Variants in ANKRD30A observed in about 807,000 individuals in gnomAD.
The protein encoded by ANKRD30A is ankyrin repeat domain 30A, also known as ankyrin repeat domain-containing protein 30A.
In ANKRD30A, 170 loss-of-function variants were observed where a neutral mutation model predicts 166.3. The ratio of observed to expected loss-of-function variants is 1.02; its 90% CI spans 0.90 to 1.16. The LOEUF (loss-of-function observed/expected upper bound fraction) is 1.16. ANKRD30A is among the 50% of genes most tolerant of loss of function. ANKRD30A has a pLI of 0.00. For synonymous variants in ANKRD30A, 564 were observed against 508.9 expected, an observed-to-expected ratio of 1.11 and a Z score of -1.46; for missense variants, 1,630 against 1,518.0, an observed-to-expected ratio of 1.07 and a Z score of -1.23.
At chr10:37,141,610 G>A in intron 6 of ANKRD30A, 108 bp from the exon 7 acceptor site, 2 of 1,248,298 alleles carry the variant, frequency 1.6e-6, no homozygotes, top group Non-Finnish European at 2.2e-6. Flanking sequence ...AGAAAAGTTT[G>A]GTAGTATTTA....
intron 15 of ANKRD30A, 50 bp downstream of exon 15, chr10:37,158,636 T>A (rs951122349): frequency 1.3e-6 from 2 of 1,598,834 alleles, no homozygotes; most frequent in Non-Finnish European, 1.7e-6. Flanking sequence ...TATTAAAATA[T>A]TTGAAATGCT....
the ANKRD30A span, among the ~76,000 whole-genome samples, chr10:37,257,475 T>A: frequency 6.6e-6 from 1 of 152,186 alleles, no homozygotes; most frequent in East Asian, 1.9e-4. Context: ...TCTCTAGTTC[T>A]TTTAACTGTG....
At chr10:37,205,891 A>G (rs1841959689) in intron 31 of ANKRD30A, among the ~76,000 whole-genome samples, 1 of 152,222 alleles carries the variant, frequency 6.6e-6, no homozygotes, top group South Asian at 2.1e-4. Flanking sequence ...TACACTGAGT[A>G]GCGAAGGTAT....
intron 34 of ANKRD30A, among the ~76,000 whole-genome samples, chr10:37,226,441 C>A (rs1278355172): frequency 6.6e-6 from 1 of 151,502 alleles, no homozygotes; most frequent in Non-Finnish European, 1.5e-5. Context: ...AGAGTCAAGA[C>A]CCATCAGTGT....
intron 31 of ANKRD30A, among the ~76,000 whole-genome samples, chr10:37,203,672 A>G (rs1425636239): frequency 1.3e-5 from 2 of 152,218 alleles, no homozygotes; most frequent in Non-Finnish European, 2.9e-5. Context: ...ATGGTATTCA[A>G]TAAGGAATAG....
chr10:37,141,602 A>T, intron 6 of ANKRD30A, 116 bp from the exon 7 acceptor site: 2 of 1,349,910 alleles, frequency 1.5e-6, no homozygotes, highest in Non-Finnish European at 9.9e-7. Flanking sequence ...AAGAGAAAAG[A>T]AAAGTTTGGT....
At chr10:37,171,790 A>G (rs1322721743) in intron 21 of ANKRD30A, among the ~76,000 whole-genome samples, 2 of 150,518 alleles carry the variant, frequency 1.3e-5, no homozygotes, top group South Asian at 4.2e-4. Context: ...GTCTCATGGC[A>G]CTGTGCTCTC....
In ANKRD30A at chr10:37,136,659, A is replaced by T; in HGVS notation, c.808A>T (p.Asn270Tyr). The T allele has an allele frequency of 7.0e-7, 1 of 1,422,982 alleles. No homozygotes were observed. Among genetic ancestry groups the T allele is most frequent in the Non-Finnish European group, 9.7e-7 (1 of 1,032,234 alleles). The allele number at this position is 1,422,982 out of a possible 1,614,324, so 88.1% of individuals were successfully genotyped here. Reference sequence around the variant, plus strand: ...ACGAAAATTATCTAAAAATCATCAAAATACCAATCCAGGTAAGACTTCTGA... The same window carrying T: ...ACGAAAATTATCTAAAAATCATCAATATACCAATCCAGGTAAGACTTCTGA... The part of the protein sequence containing the change: ...YIRKLSKNHQ[N>Y]TNPEGTSAGT... The change falls in exon 6 of 36, where the codon AAT becomes TAT. Residue 270 changes from asparagine (N) to tyrosine (Y), a missense_variant. Transcript: ENST00000361713.
chr10:37,198,836 C>A (rs1258405531), intron 29 of ANKRD30A, among the ~76,000 whole-genome samples: 1 of 152,036 alleles, frequency 6.6e-6, no homozygotes, highest in East Asian at 1.9e-4. Context: ...TTTAGTTGTG[C>A]ATGTTTGCTT....
Position 37,164,863 on chromosome 10 carries a change from G to A in ANKRD30A, c.2003-231G>A, listed in dbSNP as rs537087103. 4.0e-4 allele frequency among the ~76,000 whole-genome samples: 61 copies of A among 152,128 alleles called. 1 individual carries two copies. The highest frequency in any genetic ancestry group is 1.4e-3 in the African/African-American group (58 of 41,506). ...GTGAAGAAATAATTCATACAAGTTAGTCAAATTTCTATTTTTCTGCATTCT... is the reference window on the plus strand; with the variant it reads ...GTGAAGAAATAATTCATACAAGTTAATCAAATTTCTATTTTTCTGCATTCT... On this transcript the variant is annotated intron_variant, in intron 17 of 35. Transcript: ENST00000361713.
intron 25 of ANKRD30A, among the ~76,000 whole-genome samples, chr10:37,191,372 G>T (rs1840562855): frequency 6.6e-6 from 1 of 151,948 alleles, no homozygotes. Context: ...TCTACATTCA[G>T]CTGAACTCTC....
intron 29 of ANKRD30A, among the ~76,000 whole-genome samples, chr10:37,198,883 C>G (rs1419060799): frequency 6.6e-6 from 1 of 151,992 alleles, no homozygotes; most frequent in African/African-American, 2.4e-5. Flanking sequence ...GTAATTTGTA[C>G]TTTGTGCTGA....
chr10:37,191,442 A>G (rs1211315017), intron 25 of ANKRD30A, among the ~76,000 whole-genome samples: 1 of 151,974 alleles, frequency 6.6e-6, no homozygotes, highest in Admixed American at 6.6e-5. Flanking sequence ...GAATGTTTGT[A>G]ATGCAATGAT....
intron 15 of ANKRD30A, among the ~76,000 whole-genome samples, chr10:37,159,041 T>C (rs1838617322): frequency 1.3e-5 from 2 of 152,150 alleles, no homozygotes; most frequent in Admixed American, 6.5e-5. Flanking sequence ...GTGTGTGACT[T>C]TTAATTTTAA....
At chr10:37,210,476 A>G (rs1244021480) in intron 31 of ANKRD30A, among the ~76,000 whole-genome samples, 1 of 152,206 alleles carries the variant, frequency 6.6e-6, no homozygotes, top group African/African-American at 2.4e-5. Flanking sequence ...CTTTGGGTAT[A>G]TAACCAGTAA....
chr10:37,147,512 A>T (rs981889212), intron 9 of ANKRD30A, 55 bp downstream of exon 9: 1 of 1,185,338 alleles, frequency 8.4e-7, no homozygotes, highest in Admixed American at 2.3e-5. Context: ...GTCTAAATGC[A>T]TGATGACTGA....
the ANKRD30A span, among the ~76,000 whole-genome samples, chr10:37,245,131 T>A: frequency 0.96 from 146,479 of 152,304 alleles, 70,582 homozygotes; most frequent in Non-Finnish European, 0.99. Flanking sequence ...TAATTAATTT[T>A]AAAAAATTTC....
chr10:37,164,005 G>A (rs1475033035), intron 17 of ANKRD30A, among the ~76,000 whole-genome samples: 1 of 140,334 alleles, frequency 7.1e-6, no homozygotes, highest in Non-Finnish European at 1.6e-5. Flanking sequence ...AACGATCCAG[G>A]GTACGCTTCT....
chr10:37,249,011 G>A, the ANKRD30A span, among the ~76,000 whole-genome samples: 1 of 152,168 alleles, frequency 6.6e-6, no homozygotes, highest in Non-Finnish European at 1.5e-5. Context: ...TCATTGCCCA[G>A]ATCAGTTCCA....
Sources: gnomAD v4.1 joint callset for allele counts (sites outside exome capture counted in the v4.1 genomes callset) on GRCh38, gnomAD v4.1.1 for gene constraint, MANE v1.5 for transcripts, NCBI Gene and HGNC (gene_info 2026-07-23, HGNC 2026-07-21) for gene names.